The following CLCN6 variants were observed in gnomAD, a reference collection of about 807,000 sequenced individuals.
The protein encoded by CLCN6 is H(+)/Cl(-) exchange transporter 6.
CLCN6 carries 70 observed loss-of-function variants against 109.8 expected under a neutral mutation model. The ratio of observed to expected loss-of-function variants is 0.64; its 90% CI spans 0.53 to 0.78. CLCN6 has a LOEUF of 0.78. CLCN6 is among the 30% of genes least tolerant of loss of function. CLCN6 has a pLI of 0.00. For missense variants in CLCN6, 984 were observed against 1,142.3 expected (o/e 0.86, Z 2.00); for synonymous variants, 444 against 447.8 (o/e 0.99, Z 0.11).
intron 13 of CLCN6, among the ~76,000 whole-genome samples, chr1:11,831,357 A>G (rs528343146): frequency 1.8e-4 from 28 of 151,464 alleles, no homozygotes; most frequent in Admixed American, 1.3e-4. Context: ...GAGTTTCACT[A>G]TTTTGGCTGG....
Position 11,834,636 on chromosome 1 carries a change from C to T in CLCN6, c.1793+46C>T. ...ATGTCCTAGTTTCAGAATGTATAAG[C>T]TCTGAGGCCTAAGGAATGTTGTTAT... On this transcript the variant is annotated intron_variant, in intron 17 of 22. Coordinates refer to ENST00000346436, the MANE Select transcript of CLCN6 (RefSeq NM_001286.5). This position sits in a 1 kb window ranked among gnomAD's most constrained non-coding sequence, Gnocchi z 4.5. The T allele has an allele frequency of 6.8e-7, 1 of 1,473,166 alleles. No individual in the cohort carries two copies. Among genetic ancestry groups the T allele is most frequent in the South Asian group, 1.1e-5 (1 of 87,288 alleles). The allele number at this position is 1,473,166 out of a possible 1,614,324, so 91.3% of individuals were successfully genotyped here. A position where few individuals can be genotyped will look rare whatever the true frequency, so the allele number is the denominator to read the frequency against.
chr1:11,816,957 G>T (rs1283951426), intron 4 of CLCN6, among the ~76,000 whole-genome samples: 2 of 151,932 alleles, frequency 1.3e-5, no homozygotes, highest in Non-Finnish European at 2.9e-5. Flanking sequence ...GCGCTCAAAG[G>T]TTTGGGCAGG....
In CLCN6 at chr1:11,838,648, C is replaced by T. The variant is rs572328840; in HGVS notation, c.2517C>T (p.Asn839=). 177 of 1,614,246 alleles carry T rather than the reference C, an allele frequency of 1.1e-4. 1 individual carries two copies. The highest frequency in any genetic ancestry group is 4.0e-4 in the East Asian group (18 of 44,888). The change falls in exon 22 of 23, where the codon AAC becomes AAT. Residue 839 remains asparagine (N), a synonymous_variant. Transcript: ENST00000346436. Reference sequence around the variant, plus strand: ...GCCTGCGCCACCTGCCCGTGGTGAACGCTGTGGGAGAGGTGAGCGAGGCCC... The same window carrying T: ...GCCTGCGCCACCTGCCCGTGGTGAATGCTGTGGGAGAGGTGAGCGAGGCCC... The part of the protein sequence containing the change: ...TMGLRHLPVV[N]AVGEIVGIIT...
intron 6 of CLCN6, among the ~76,000 whole-genome samples, chr1:11,823,285 T>C (rs198398): frequency 0.95 from 144,870 of 152,234 alleles, 68,986 homozygotes; most frequent in East Asian, 1. Context: ...AGAGAAACCC[T>C]GTCTCTAGTA....
At chr1:11,832,030 G>T (rs117479487) in intron 13 of CLCN6, among the ~76,000 whole-genome samples, 1 of 152,324 alleles carries the variant, frequency 6.6e-6, no homozygotes, top group East Asian at 1.9e-4. Context: ...TAAATGTTTG[G>T]TGTCTTTATT....
In CLCN6 at chr1:11,816,621, C is replaced by G. The variant is rs1294959136; in HGVS notation, c.220C>G (p.Arg74Gly). 1.9e-6 allele frequency: 3 copies of G among 1,612,406 alleles called. No individual in the cohort carries two copies. Among genetic ancestry groups the G allele is most frequent in the Admixed American group, 3.3e-5 (2 of 59,814 alleles). The part of the protein sequence containing the change: ...VLETMDNKKG[R>G]RYEAVKWMVV... ...TCTTTTCCTGTGTGAACAGAAAGGTCGAAGATATGAGGCGGTGAAGTGGAT... is the reference window on the plus strand; with the variant it reads ...TCTTTTCCTGTGTGAACAGAAAGGTGGAAGATATGAGGCGGTGAAGTGGAT... The change falls in exon 4 of 23, where the codon CGA (arginine) becomes GGA (glycine). Residue 74 changes from arginine (R) to glycine (G), a missense_variant. Arg to Gly is a moderately radical substitution (Grantham distance 125). Transcript: ENST00000346436.
chr1:11,819,588 T>C, intron 5 of CLCN6, 34 bp downstream of exon 5: 3 of 1,580,406 alleles, frequency 1.9e-6, no homozygotes, highest in East Asian at 2.2e-5. Context: ...GTTCGTGGAC[T>C]TCAGTGGTCA....
At position 11,841,426 on chromosome 1, in the gene CLCN6, G is replaced by A. The variant is rs1217789080; in HGVS notation, c.*1203G>A. The stretch of plus-strand genomic sequence containing the variant: ...CATGGGAAGCGCACCCTGTCGTTCA[G>A]TGACGTCATTCTTCTCCAGGCTGGC... On this transcript the variant is annotated 3_prime_UTR_variant, in exon 23 of 23. Coordinates refer to ENST00000346436, the MANE Select transcript of CLCN6 (RefSeq NM_001286.5). 2 of 152,320 alleles carry A rather than the reference G, an allele frequency of 1.3e-5. No individual in the cohort carries two copies. The highest frequency in any genetic ancestry group is 4.8e-5 in the African/African-American group (2 of 41,450). 9.4% of individuals were successfully genotyped at this position (152,320 alleles called of 1,614,324 possible). A position where few individuals can be genotyped will look rare whatever the true frequency, so the allele number is the denominator to read the frequency against.
rs1553190720 is a variant in CLCN6, at chr1:11,819,480, C to CT, written c.280-6dup. ...AAGGCTGTGTGACAGATCTCTTGCT[C>CT]TTCACAGGTGGGTCTCTTTGTGGAC... On this transcript the variant is annotated splice_polypyrimidine_tract_variant and splice_region_variant and intron_variant, in intron 4 of 22. Coordinates refer to ENST00000346436, the MANE Select transcript of CLCN6 (RefSeq NM_001286.5). The CT allele has an allele frequency of 7.4e-6, 12 of 1,613,952 alleles. No homozygotes were observed. The highest frequency in any genetic ancestry group is 1.0e-5 in the Non-Finnish European group (12 of 1,179,788).
At chr1:11,816,822 CAA>C (rs755747252) in intron 4 of CLCN6, 142 bp downstream of exon 4, 4 of 527,150 alleles carry the variant, frequency 7.6e-6, no homozygotes, top group Admixed American at 4.3e-5. Context: ...TCATTATAAT[CAA>C]GAGTGCCTTT....
Position 11,828,211 on chromosome 1 carries a change from G to A in CLCN6, c.946G>A (p.Glu316Lys), listed in dbSNP as rs144929575. 204 of 1,613,090 alleles carry A rather than the reference G, an allele frequency of 1.3e-4. 2 individuals carry two copies. The East Asian group carries it at 4.4e-3, about 35-fold the overall frequency. Reference sequence around the variant, plus strand: ...GCTCCCTGGATTGCTGAACTTTGGCGAGTTTAAGGTATGTTTTGTCCTTTC... The same window carrying A: ...GCTCCCTGGATTGCTGAACTTTGGCAAGTTTAAGGTATGTTTTGTCCTTTC... The part of the protein sequence containing the change: ...FQLPGLLNFG[E>K]FKCSDSDKKC... Residue 316 changes from glutamate (E) to lysine (K), a missense_variant, in exon 11 of 23, where the codon GAG becomes AAG. Physicochemically the swap from Glu to Lys is moderately conservative, Grantham distance 56. Transcript: ENST00000346436.
rs1411872018 is a variant in CLCN6, at chr1:11,833,068, A to G, written c.1249-447A>G. The stretch of plus-strand genomic sequence containing the variant: ...TGCAGCAAAATCAAAGGCTTTTTCT[A>G]TTTGGAACCAGAGTTGGGGCTTTCG... On this transcript the variant is annotated intron_variant, in intron 13 of 22. Transcript: ENST00000346436. Among the ~76,000 whole-genome samples, 4 of 146,078 alleles carry G rather than the reference A, an allele frequency of 2.7e-5. No homozygotes were observed. In the East Asian group the frequency reaches 8.0e-4, roughly 29 times the overall value.
intron 2 of CLCN6, among the ~76,000 whole-genome samples, chr1:11,813,904 C>G (rs1226139916): frequency 6.6e-6 from 1 of 152,080 alleles, no homozygotes; most frequent in South Asian, 2.1e-4. Context: ...TTGCATCTTG[C>G]TCTTTTGCTG....
At chr1:11,818,586 A>C (rs1644703401) in intron 4 of CLCN6, among the ~76,000 whole-genome samples, 1 of 152,192 alleles carries the variant, frequency 6.6e-6, no homozygotes, top group Admixed American at 6.5e-5. Context: ...TGGCCACTTT[A>C]TGGCTTCAGT....
chr1:11,837,104 T>C lies in CLCN6; in HGVS notation c.2086T>C (p.Ser696Pro). 6.2e-7 allele frequency: 1 copy of C among 1,613,392 alleles called. No individual in the cohort carries two copies. Among genetic ancestry groups the C allele is most frequent in the South Asian group, 1.1e-5 (1 of 91,080 alleles). The change falls in exon 19 of 23, where the codon TCT becomes CCT. Residue 696 changes from serine to proline, a missense_variant. By Grantham distance (74) the Ser-to-Pro change is moderately conservative. Coordinates refer to ENST00000346436, the MANE Select transcript of CLCN6 (RefSeq NM_001286.5). ...GAACATGTGTGATGAGCACATCGCC[T>C]CTGAGGAGCCAGCCGAGAAGGAGGA... ...LRNMCDEHIA[S>P]EEPAEKEDLL...
chr1:11,814,285 G>T (rs576709333), intron 2 of CLCN6, among the ~76,000 whole-genome samples: 4 of 130,024 alleles, frequency 3.1e-5, no homozygotes, highest in East Asian at 2.3e-4. Flanking sequence ...TCACTTTGTT[G>T]CCCAGGCTGG....
chr1:11,809,401 C>A (rs1046343564), intron 2 of CLCN6, among the ~76,000 whole-genome samples: 2 of 152,146 alleles, frequency 1.3e-5, no homozygotes, highest in African/African-American at 2.4e-5. Context: ...ATTGTACTTA[C>A]ATTTGTAATG....
At chr1:11,810,786 C>T (rs888126459) in intron 2 of CLCN6, among the ~76,000 whole-genome samples, 1 of 151,868 alleles carries the variant, frequency 6.6e-6, no homozygotes, top group African/African-American at 2.4e-5. Context: ...AAAAAAGAAG[C>T]GTGGCACAGT....
At chr1:11,833,845 T>C in intron 14 of CLCN6, 32 bp from the exon 15 acceptor site, 2 of 1,596,244 alleles carry the variant, frequency 1.3e-6, no homozygotes, top group South Asian at 1.1e-5. Flanking sequence ...AGGCATCCGG[T>C]AGTGGGACTC....
Sources: gnomAD v4.1 joint callset for allele counts (sites outside exome capture counted in the v4.1 genomes callset) on GRCh38, gnomAD v4.1.1 for gene constraint, Gnocchi (gnomAD v3.1) non-coding constraint, MANE v1.5 for transcripts, NCBI Gene and HGNC (gene_info 2026-07-23, HGNC 2026-07-21) for gene names.